ZBTB20: variants seen among roughly 807,000 people sequenced by gnomAD.
The protein encoded by ZBTB20 is zinc finger and BTB domain-containing protein 20.
In ZBTB20, 9 loss-of-function variants were observed where a neutral mutation model predicts 56.9. That is an observed-to-expected ratio of 0.16 (90% CI 0.10 to 0.28). ZBTB20 has a LOEUF of 0.28. Ranked by LOEUF, ZBTB20 falls within the 10% of genes least tolerant of loss-of-function variation. ZBTB20 has a pLI of 1.00. For synonymous variants in ZBTB20, 417 were observed against 420.7 expected (o/e 0.99, Z 0.11); for missense variants, 655 against 1,003.0 (o/e 0.65, Z 4.69).
At chr3:114,678,020 G>C (rs1201762998) in intron 6 of ZBTB20, among the ~76,000 whole-genome samples, 1 of 152,010 alleles carries the variant, frequency 6.6e-6, no homozygotes, top group East Asian at 1.9e-4. Flanking sequence ...AAAGACTTTT[G>C]AAATGACTAA....
intron 6 of ZBTB20, among the ~76,000 whole-genome samples, chr3:114,681,203 A>T (rs570188908): frequency 8.9e-5 from 13 of 146,808 alleles, no homozygotes; most frequent in African/African-American, 3.3e-4. Flanking sequence ...TCCGTAACCC[A>T]GATTGCAGTG....
intron 5 of ZBTB20, among the ~76,000 whole-genome samples, chr3:114,775,095 C>T (rs1267830311): frequency 1.3e-5 from 2 of 151,990 alleles, no homozygotes; most frequent in Non-Finnish European, 2.9e-5. Context: ...ATTACACTCG[C>T]TCTATTAAAA....
At chr3:114,538,797 T>C (rs2048771613) in intron 6 of ZBTB20, among the ~76,000 whole-genome samples, 1 of 152,144 alleles carries the variant, frequency 6.6e-6, no homozygotes. Flanking sequence ...ACTTCTGCTA[T>C]GCAAAAAAAG....
chr3:114,516,354 T>C (rs2045992375), intron 6 of ZBTB20, among the ~76,000 whole-genome samples: 1 of 152,228 alleles, frequency 6.6e-6, no homozygotes, highest in Admixed American at 6.5e-5. Flanking sequence ...GTACTTTCTT[T>C]ATGTTTCCTC....
intron 4 of ZBTB20, among the ~76,000 whole-genome samples, chr3:114,894,762 T>A (rs1293081926): frequency 6.6e-6 from 1 of 152,182 alleles, no homozygotes; most frequent in African/African-American, 2.4e-5. Flanking sequence ...ACCTGGCTAA[T>A]AAACCTTGAT....
intron 5 of ZBTB20, among the ~76,000 whole-genome samples, chr3:114,771,035 G>C (rs142158465): frequency 6.6e-6 from 1 of 152,104 alleles, no homozygotes; most frequent in East Asian, 1.9e-4. Flanking sequence ...CTTTTGCAGA[G>C]ATTTTACTTT....
intron 6 of ZBTB20, among the ~76,000 whole-genome samples, chr3:114,646,997 T>C (rs2059880566): frequency 1.3e-5 from 2 of 152,172 alleles, no homozygotes; most frequent in East Asian, 1.9e-4. Context: ...CTTGCTCTGT[T>C]GCCCAGGCTG....
At chr3:115,056,257 A>C (rs1427668464) in intron 2 of ZBTB20, among the ~76,000 whole-genome samples, 1 of 152,106 alleles carries the variant, frequency 6.6e-6, no homozygotes, top group African/African-American at 2.4e-5. Flanking sequence ...GGAAATACAA[A>C]ATGAAAAAGT....
intron 4 of ZBTB20, among the ~76,000 whole-genome samples, chr3:114,811,691 C>A (rs1361176248): frequency 6.6e-6 from 1 of 152,188 alleles, no homozygotes; most frequent in Non-Finnish European, 1.5e-5. Flanking sequence ...ATTAAAGTGT[C>A]ATAACCTTTA....
At chr3:114,441,361 C>A (rs1450734135) in intron 7 of ZBTB20, among the ~76,000 whole-genome samples, 2 of 152,086 alleles carry the variant, frequency 1.3e-5, no homozygotes, top group Non-Finnish European at 2.9e-5. Context: ...TTATAAGTTT[C>A]AATTCTCCTA....
rs538728940 is a variant in ZBTB20, at chr3:114,994,136, A to T, written c.-506-19720T>A. 2.5e-3 allele frequency among the ~76,000 whole-genome samples: 386 copies of T among 152,006 alleles called. 1 individual carries two copies. Among genetic ancestry groups the T allele is most frequent in the Middle Eastern group, 6.8e-3 (2 of 294 alleles). On this transcript the variant is annotated intron_variant, in intron 2 of 11. Transcript: ENST00000675478. ...ATAAAGAGAATGTATCTCAAACAAT[A>T]TAGGAAAGATTTAAAATAACCTGAG...
intron 4 of ZBTB20, among the ~76,000 whole-genome samples, chr3:114,827,528 G>A (rs139410486): frequency 3.3e-5 from 5 of 151,896 alleles, no homozygotes; most frequent in African/African-American, 7.2e-5. Flanking sequence ...AGGTCTTAGC[G>A]CTTAAGCATA....
Position 114,611,933 on chromosome 3 carries a change from A to T in ZBTB20, c.-295+81595T>A, listed in dbSNP as rs187085333. ...TAACTGTCTGATAGCTATTGTTCTC[A>T]TCACCCACAAAAAATAAATCTGGAC... On this transcript the variant is annotated intron_variant, in intron 6 of 11. Transcript: ENST00000675478. 3.9e-5 allele frequency among the ~76,000 whole-genome samples: 6 copies of T among 152,296 alleles called. No individual in the cohort carries two copies. The East Asian group carries it at 1.2e-3, about 29-fold the overall frequency.
rs59044965 is a variant in ZBTB20, at chr3:114,347,077, GTTTTTTT to G, written c.1804+3190_1804+3196del. Reference sequence around the variant, plus strand: ...GAATCTTATAATTTATTCTCTTCAGGTTTTTTTTTTTTTTTTTTTTTTTTTTTTTTTT... The same window carrying G: ...GAATCTTATAATTTATTCTCTTCAGGTTTTTTTTTTTTTTTTTTTTTTTTT... On this transcript the variant is annotated intron_variant, in intron 11 of 11. Transcript: ENST00000675478. Among the ~76,000 whole-genome samples the G allele has an allele frequency of 6.8e-3, 484 of 71,030 alleles. 7 individuals carry two copies. Among genetic ancestry groups the G allele is most frequent in the Middle Eastern group, 9.8e-3 (1 of 102 alleles). 46.6% of individuals were successfully genotyped at this position (71,030 alleles called of 152,430 possible). A position where few individuals can be genotyped will look rare whatever the true frequency, so the allele number is the denominator to read the frequency against.
intron 4 of ZBTB20, among the ~76,000 whole-genome samples, chr3:114,856,315 G>C (rs746671497): frequency 1.8e-4 from 28 of 152,096 alleles, no homozygotes; most frequent in Non-Finnish European, 3.2e-4. Flanking sequence ...TTTTGGAAGA[G>C]AGATTCAGAA....
intron 1 of ZBTB20, among the ~76,000 whole-genome samples, chr3:115,103,255 A>C (rs2083633022): frequency 6.6e-6 from 1 of 152,212 alleles, no homozygotes; most frequent in African/African-American, 2.4e-5. Flanking sequence ...CTAAAGTGGA[A>C]GTTAAAAACT....
intron 6 of ZBTB20, among the ~76,000 whole-genome samples, chr3:114,537,680 T>C (rs933173543): frequency 3.3e-5 from 5 of 152,166 alleles, no homozygotes; most frequent in African/African-American, 1.2e-4. Context: ...TAAAGACACA[T>C]GCACATGTAT....
chr3:114,996,371 C>G (rs531815328), intron 2 of ZBTB20, among the ~76,000 whole-genome samples: 4 of 151,830 alleles, frequency 2.6e-5, no homozygotes, highest in African/African-American at 7.2e-5. Flanking sequence ...TCCCACCCCC[C>G]AAAAGGCCCT....
At chr3:114,671,060 A>G (rs17619453) in intron 6 of ZBTB20, among the ~76,000 whole-genome samples, 3,863 of 152,246 alleles carry the variant, frequency 0.025, 222 homozygotes, top group Admixed American at 0.14. Flanking sequence ...GGTTAGCCTG[A>G]ATAAATGGAG....
Sources: allele counts gnomAD v4.1 joint callset (sites outside exome capture counted in the v4.1 genomes callset), GRCh38; gene constraint gnomAD v4.1.1; transcripts MANE v1.5; gene names NCBI Gene and HGNC (gene_info 2026-07-23, HGNC 2026-07-21).